Variants in ZNF578 observed in about 807,000 individuals in gnomAD.
ZNF578 encodes the protein Putative chemokine-related protein B42.
In ZNF578, 8 loss-of-function variants were observed where a neutral mutation model predicts 8.3. That is an observed-to-expected ratio of 0.96 (90% CI 0.56 to 1.74). The LOEUF is 1.74. Ranked by LOEUF, ZNF578 falls within the 40% of genes most tolerant of loss-of-function variation. The pLI is 0.00. For missense variants in ZNF578, 726 were observed against 707.5 expected (o/e 1.03, Z -0.30); for synonymous variants, 206 against 232.2 (o/e 0.89, Z 1.03).
chr19:52,503,478 T>A (rs907039244), intron 4 of ZNF578, among the ~76,000 whole-genome samples: 1 of 152,170 alleles, frequency 6.6e-6, no homozygotes, highest in African/African-American at 2.4e-5. Context: ...CTGGAGTATC[T>A]GGGATTACAG....
chr19:52,506,555 C>T (rs774645108), intron 5 of ZNF578, among the ~76,000 whole-genome samples: 1 of 151,162 alleles, frequency 6.6e-6, no homozygotes, highest in Non-Finnish European at 1.5e-5. Context: ...GCAACCTCCA[C>T]CTCCCAGGTC....
chr19:52,513,956 T>A lies in ZNF578; in HGVS notation c.*1802T>A, dbSNP rs939918870. 6.6e-6 allele frequency among the ~76,000 whole-genome samples: 1 copy of A among 151,868 alleles called. No individual in the cohort carries two copies. Among genetic ancestry groups the A allele is most frequent in the Non-Finnish European group, 1.5e-5 (1 of 67,970 alleles). On this transcript the variant is annotated 3_prime_UTR_variant, in exon 6 of 6. Transcript: ENST00000421239. Reference sequence around the variant, plus strand: ...ATGAGAATCACTTAAACCTGGGAGGTAGAGGTTACAGCGAATCAAAACCGT... The same window carrying A: ...ATGAGAATCACTTAAACCTGGGAGGAAGAGGTTACAGCGAATCAAAACCGT...
intron 3 of ZNF578, among the ~76,000 whole-genome samples, chr19:52,491,743 A>G (rs1287284213): frequency 6.6e-6 from 1 of 152,208 alleles, no homozygotes; most frequent in Non-Finnish European, 1.5e-5. Flanking sequence ...AAGTAAAAAA[A>G]GAAAAAGTAA....
chr19:52,459,769 ATT>A (rs1164629700), intron 2 of ZNF578, among the ~76,000 whole-genome samples: 6 of 17,620 alleles, frequency 3.4e-4, no homozygotes, highest in Non-Finnish European at 4.0e-4. Flanking sequence ...ATATATATAT[ATT>A]TTTTTTTTTT....
rs1428504020 is a variant in ZNF578, at chr19:52,459,776, T to A, written c.-122+2818T>A. Among the ~76,000 whole-genome samples the A allele has an allele frequency of 2.3e-4, 15 of 66,144 alleles. 3 individuals are homozygous for A. The highest frequency in any genetic ancestry group is 5.9e-4 in the African/African-American group (10 of 16,900). The allele number at this position is 66,144 out of a possible 152,430, so 43.4% of individuals were successfully genotyped here. A position where few individuals can be genotyped will look rare whatever the true frequency, so the allele number is the denominator to read the frequency against. ...GTATATATATATATATATATTTTTTTTTTTTTTTTTTTTTTTTGAGATGGA... is the reference window on the plus strand; with the variant it reads ...GTATATATATATATATATATTTTTTATTTTTTTTTTTTTTTTTGAGATGGA... On this transcript the variant is annotated intron_variant, in intron 2 of 5. Transcript: ENST00000421239.
At chr19:52,491,624 A>T (rs188566117) in intron 3 of ZNF578, among the ~76,000 whole-genome samples, 199 bp downstream of exon 3, 2 of 152,288 alleles carry the variant, frequency 1.3e-5, no homozygotes, top group African/African-American at 4.8e-5. Flanking sequence ...CTGAGGCAGA[A>T]GAATAGCTTC....
intron 5 of ZNF578, among the ~76,000 whole-genome samples, chr19:52,507,670 T>C (rs1599915202): frequency 6.6e-6 from 1 of 152,330 alleles, no homozygotes; most frequent in Middle Eastern, 3.4e-3. Flanking sequence ...GCCTTCTTCG[T>C]GGTTTAGCCC....
chr19:52,481,359 C>G (rs2059325843), intron 2 of ZNF578, among the ~76,000 whole-genome samples: 1 of 152,170 alleles, frequency 6.6e-6, no homozygotes, highest in Non-Finnish European at 1.5e-5. Context: ...GAATTAAAGA[C>G]AAAAGAATAT....
At chr19:52,483,440 A>T (rs2059334248) in intron 2 of ZNF578, among the ~76,000 whole-genome samples, 1 of 152,158 alleles carries the variant, frequency 6.6e-6, no homozygotes, top group Non-Finnish European at 1.5e-5. Context: ...TAAATAATAA[A>T]AATAAAAGCA....
chr19:52,507,248 C>A (rs549265602), intron 5 of ZNF578, among the ~76,000 whole-genome samples: 2 of 152,094 alleles, frequency 1.3e-5, no homozygotes, highest in Non-Finnish European at 2.9e-5. Context: ...ATTAGCTGGG[C>A]ATGTTGGTAT....
chr19:52,469,157 G>GTTTTTT (rs1325423361), intron 2 of ZNF578, among the ~76,000 whole-genome samples: 1 of 32,890 alleles, frequency 3.0e-5, no homozygotes, highest in Non-Finnish European at 1.2e-4. Context: ...ACCTGGAGTG[G>GTTTTTT]TTTTTTTTTG....
intron 3 of ZNF578, among the ~76,000 whole-genome samples, chr19:52,492,622 C>T (rs766108340): frequency 3.3e-5 from 5 of 152,202 alleles, no homozygotes; most frequent in Non-Finnish European, 7.3e-5. Flanking sequence ...CCTTCCTGGC[C>T]GCTCTCCCCT....
At chr19:52,484,298 C>A (rs530668285) in intron 2 of ZNF578, among the ~76,000 whole-genome samples, 2 of 152,220 alleles carry the variant, frequency 1.3e-5, no homozygotes, top group Non-Finnish European at 2.9e-5. Flanking sequence ...CCCAGACATT[C>A]CTTTGCCAGG....
chr19:52,493,698 G>A (rs1452910289), intron 3 of ZNF578, among the ~76,000 whole-genome samples: 1 of 151,976 alleles, frequency 6.6e-6, no homozygotes, highest in African/African-American at 2.4e-5. Context: ...GGCAACAAGA[G>A]GTTAAATAAG....
At chr19:52,454,216 C>A (rs1176297329) in intron 1 of ZNF578, 7 of 152,234 alleles carry the variant, frequency 4.6e-5, no homozygotes, top group Admixed American at 3.9e-4. Context: ...TTGATTTATT[C>A]TTTCCTCCTC....
At chr19:52,474,457 CA>C (rs2059301835) in intron 2 of ZNF578, 37 of 310,972 alleles carry the variant, frequency 1.2e-4, no homozygotes, top group South Asian at 1.2e-3. Flanking sequence ...AACTTTGCCA[CA>C]TTCATTACAT....
chr19:52,494,159 G>A (rs182913044), intron 3 of ZNF578, among the ~76,000 whole-genome samples: 117 of 151,322 alleles, frequency 7.7e-4, no homozygotes, highest in African/African-American at 2.8e-3. Flanking sequence ...GAGAATGAGA[G>A]ATGTGTAAAG....
chr19:52,496,313 G>A (rs2122908151), intron 3 of ZNF578, among the ~76,000 whole-genome samples: 1 of 133,708 alleles, frequency 7.5e-6, no homozygotes, highest in Non-Finnish European at 1.7e-5. Context: ...ACCACGCTCG[G>A]CCTCATTTGT....
intron 2 of ZNF578, among the ~76,000 whole-genome samples, chr19:52,484,603 A>G (rs907145675): frequency 2.0e-5 from 3 of 152,050 alleles, no homozygotes; most frequent in Non-Finnish European, 4.4e-5. Context: ...GCACATACAC[A>G]TCCAGATGGC....
Sources: allele counts gnomAD v4.1 joint callset (sites outside exome capture counted in the v4.1 genomes callset), GRCh38; gene constraint gnomAD v4.1.1; transcripts MANE v1.5; gene names NCBI Gene and HGNC (gene_info 2026-07-23, HGNC 2026-07-21).